Variants in PTPRD observed in about 807,000 individuals in gnomAD.
PTPRD encodes receptor-type tyrosine-protein phosphatase delta.
PTPRD carries 34 observed loss-of-function variants against 214.5 expected under a neutral mutation model. That is an observed-to-expected ratio of 0.16 (90% CI 0.12 to 0.21). The LOEUF (loss-of-function observed/expected upper bound fraction) is 0.21. Among genes scored for constraint, PTPRD ranks in the 10% least tolerant of loss-of-function variants. The probability of loss-of-function intolerance (pLI) is 1.00; values close to 1 mark genes in which losing one functional copy is unlikely to be tolerated. For missense variants in PTPRD, 2,545 were observed against 2,398.7 expected (o/e 1.06, Z -1.27); for synonymous variants, 1,128 against 845.7 (o/e 1.33, Z -5.79).
intron 5 of PTPRD, among the ~76,000 whole-genome samples, chr9:9,795,018 C>A (rs1204278454): frequency 2.6e-5 from 4 of 152,226 alleles, no homozygotes; most frequent in Non-Finnish European, 5.9e-5. Flanking sequence ...ACAGCTTGAG[C>A]TTCAATGTGC....
At chr9:8,997,386 T>C (rs2099401112) in intron 11 of PTPRD, among the ~76,000 whole-genome samples, 1 of 152,080 alleles carries the variant, frequency 6.6e-6, no homozygotes, top group African/African-American at 2.4e-5. Flanking sequence ...ATTTTCACAA[T>C]ATTTCAAACT....
intron 11 of PTPRD, among the ~76,000 whole-genome samples, chr9:8,788,400 C>G (rs1180551272): frequency 6.6e-6 from 1 of 151,516 alleles, no homozygotes; most frequent in Non-Finnish European, 1.5e-5. Context: ...CTCAGCCTCC[C>G]GAGTAGCTGG....
At chr9:9,614,884 T>C (rs556563817) in intron 7 of PTPRD, among the ~76,000 whole-genome samples, 2 of 152,282 alleles carry the variant, frequency 1.3e-5, no homozygotes, top group South Asian at 4.1e-4. Flanking sequence ...ACCAATTTAT[T>C]GCCTCAGCTC....
At chr9:8,502,848 G>GTATATATATATATATATATATA (rs556444172) in intron 23 of PTPRD, among the ~76,000 whole-genome samples, 2 of 147,096 alleles carry the variant, frequency 1.4e-5, no homozygotes, top group Admixed American at 6.8e-5. Context: ...ATGTGTGTGT[G>GTATATATATATATATATATATA]TATATATATA....
chr9:9,662,054 C>T (rs1387011569), intron 7 of PTPRD, among the ~76,000 whole-genome samples: 2 of 151,518 alleles, frequency 1.3e-5, no homozygotes, highest in Non-Finnish European at 3.0e-5. Flanking sequence ...TATATCAATG[C>T]CAAGTTTTAT....
chr9:8,676,483 A>G (rs919458298), intron 12 of PTPRD, among the ~76,000 whole-genome samples: 5 of 151,252 alleles, frequency 3.3e-5, no homozygotes, highest in Non-Finnish European at 7.4e-5. Context: ...CCCAGGTTCA[A>G]GCAATTCTCA....
intron 2 of PTPRD, among the ~76,000 whole-genome samples, chr9:10,562,997 A>C (rs1566949259): frequency 6.6e-6 from 1 of 152,192 alleles, no homozygotes; most frequent in Non-Finnish European, 1.5e-5. Flanking sequence ...AGAAATGATG[A>C]GACATTAAGG....
chr9:9,691,866 T>C (rs2097277307), intron 7 of PTPRD, among the ~76,000 whole-genome samples: 1 of 152,144 alleles, frequency 6.6e-6, no homozygotes, highest in Non-Finnish European at 1.5e-5. Flanking sequence ...TGCATTTCTC[T>C]GATGATCAAT....
rs145932832 is a variant in PTPRD at position 10,028,486 on chromosome 9, C to G, written c.-472+5232G>C. ...AAAATGTAGGAAAGTTTGGAACTCC[C>G]TAGAGACTTGTTGCATGGCTTTGAC... On this transcript the variant is annotated intron_variant, in intron 4 of 45. Coordinates refer to ENST00000381196, the MANE Select transcript of PTPRD (RefSeq NM_002839.4). Among the ~76,000 whole-genome samples, 50 of 152,220 alleles carry G rather than the reference C, an allele frequency of 3.3e-4. 2 individuals are homozygous for G. The East Asian group carries it at 8.9e-3, about 27-fold the overall frequency.
At chr9:9,454,365 C>G (rs1451859227) in intron 8 of PTPRD, among the ~76,000 whole-genome samples, 1 of 151,690 alleles carries the variant, frequency 6.6e-6, no homozygotes, top group East Asian at 1.9e-4. Context: ...TTCTTGCAAT[C>G]CAGTATGAGT....
At chr9:9,920,730 G>C (rs1166545879) in intron 5 of PTPRD, among the ~76,000 whole-genome samples, 2 of 152,030 alleles carry the variant, frequency 1.3e-5, no homozygotes, top group African/African-American at 2.4e-5. Flanking sequence ...ATAGCCTGTC[G>C]ATAACTAAAT....
At chr9:10,478,360 G>A (rs960495964) in intron 2 of PTPRD, among the ~76,000 whole-genome samples, 1 of 152,006 alleles carries the variant, frequency 6.6e-6, no homozygotes, top group Admixed American at 6.6e-5. Context: ...GTGATTTTGG[G>A]CATATAATCT....
intron 2 of PTPRD, among the ~76,000 whole-genome samples, chr9:10,609,212 A>G (rs1167532237): frequency 5.3e-5 from 8 of 152,102 alleles, no homozygotes. Context: ...AGACATACAT[A>G]GATAGTAGCT....
chr9:10,398,267 G>T (rs577070052), intron 2 of PTPRD, among the ~76,000 whole-genome samples: 1 of 151,548 alleles, frequency 6.6e-6, no homozygotes, highest in South Asian at 2.1e-4. Context: ...TACAATCCCA[G>T]CTACTCGGAA....
intron 11 of PTPRD, among the ~76,000 whole-genome samples, chr9:9,011,193 T>C (rs1469349080): frequency 6.6e-6 from 1 of 152,066 alleles, no homozygotes; most frequent in Non-Finnish European, 1.5e-5. Flanking sequence ...GGGAGTCTTT[T>C]CAGGAATCAT....
At chr9:9,431,678 G>A (rs979165559) in intron 8 of PTPRD, among the ~76,000 whole-genome samples, 1 of 152,046 alleles carries the variant, frequency 6.6e-6, no homozygotes, top group Non-Finnish European at 1.5e-5. Context: ...TGATAGACTG[G>A]TTTAAGAAAA....
intron 5 of PTPRD, among the ~76,000 whole-genome samples, chr9:9,883,706 A>C (rs2069669955): frequency 6.6e-6 from 1 of 152,174 alleles, no homozygotes; most frequent in Non-Finnish European, 1.5e-5. Context: ...CTAACCTCTT[A>C]GCCAGCTTTT....
At chr9:8,565,712 T>A (rs1169969174) in intron 14 of PTPRD, among the ~76,000 whole-genome samples, 2 of 152,234 alleles carry the variant, frequency 1.3e-5, no homozygotes, top group Non-Finnish European at 2.9e-5. Context: ...TAATTATAAA[T>A]TTAAACTGCT....
At chr9:9,415,613 G>A (rs184810642) in intron 8 of PTPRD, among the ~76,000 whole-genome samples, 1 of 152,242 alleles carries the variant, frequency 6.6e-6, no homozygotes, top group East Asian at 1.9e-4. Flanking sequence ...AAATTCAACA[G>A]ACACTGATTT....
Sources: allele counts gnomAD v4.1 joint callset (sites outside exome capture counted in the v4.1 genomes callset), GRCh38; gene constraint gnomAD v4.1.1; transcripts MANE v1.5; gene names NCBI Gene and HGNC (gene_info 2026-07-23, HGNC 2026-07-21).